Variants in PDE1C observed in about 807,000 individuals in gnomAD.
PDE1C encodes the protein phosphodiesterase 1C.
PDE1C carries 62 observed loss-of-function variants against 93.1 expected under a neutral mutation model. The observed-to-expected ratio is 0.67, with a 90% CI of 0.54 to 0.82. The LOEUF (loss-of-function observed/expected upper bound fraction) is 0.82, where lower values mean the gene tolerates loss of function less well. PDE1C is among the 40% of genes least tolerant of loss of function. The pLI is 0.00. For missense variants in PDE1C, 742 were observed against 884.6 expected (o/e 0.84, Z 2.04); for synonymous variants, 325 against 310.1 (o/e 1.05, Z -0.50).
At chr7:31,633,337 A>G in the PDE1C span, among the ~76,000 whole-genome samples, 1 of 152,152 alleles carries the variant, frequency 6.6e-6, no homozygotes, top group Non-Finnish European at 1.5e-5. Flanking sequence ...CAATACAAAG[A>G]CGAATTTCCT....
At chr7:31,963,805 G>A (rs959785083) in intron 2 of PDE1C, among the ~76,000 whole-genome samples, 1 of 152,082 alleles carries the variant, frequency 6.6e-6, no homozygotes, top group Admixed American at 6.5e-5. Flanking sequence ...GGCTAGAGAG[G>A]GTTATGAAAG....
At chr7:31,635,778 G>A in the PDE1C span, among the ~76,000 whole-genome samples, 2 of 151,984 alleles carry the variant, frequency 1.3e-5, no homozygotes, top group Non-Finnish European at 2.9e-5. Flanking sequence ...CTTGTAAGGG[G>A]AGGGCGGGGG....
intron 2 of PDE1C, among the ~76,000 whole-genome samples, chr7:31,992,742 G>A (rs1306471107): frequency 6.6e-6 from 1 of 152,192 alleles, no homozygotes; most frequent in African/African-American, 2.4e-5. Flanking sequence ...CAAATATTAT[G>A]CTATCAATAT....
chr7:31,686,851 T>C, the PDE1C span: 56,744 of 152,126 alleles, frequency 0.37, 11,118 homozygotes, highest in East Asian at 0.48. Flanking sequence ...GAAAGTACTC[T>C]GGATTTAAAC....
intron 3 of PDE1C, among the ~76,000 whole-genome samples, chr7:32,082,470 C>A (rs972935553): frequency 1.2e-4 from 19 of 152,226 alleles, no homozygotes; most frequent in African/African-American, 4.6e-4. Context: ...GTAAACTCTG[C>A]AGACTTAAAT....
intron 3 of PDE1C, among the ~76,000 whole-genome samples, chr7:32,134,117 A>G (rs1029763187): frequency 1.3e-5 from 2 of 152,076 alleles, no homozygotes; most frequent in Non-Finnish European, 1.5e-5. Context: ...AACAGAGGGG[A>G]AAAATGTTGA....
intron 1 of PDE1C, 44 bp downstream of exon 1, chr7:32,070,249 T>C: frequency 1.2e-6 from 2 of 1,612,596 alleles, no homozygotes; most frequent in Non-Finnish European, 1.7e-6. Context: ...AAAATAAGGA[T>C]GGGAGCGGGA....
chr7:32,303,118 C>T (rs559736785), upstream of PDE1C, among the ~76,000 whole-genome samples: 41 of 152,230 alleles, frequency 2.7e-4, no homozygotes, highest in African/African-American at 9.4e-4. Flanking sequence ...AGAAAAAGTC[C>T]CAGTTCATTC....
chr7:31,779,792 C>T (rs1783267017), intron 16 of PDE1C, among the ~76,000 whole-genome samples: 1 of 152,166 alleles, frequency 6.6e-6, no homozygotes. Flanking sequence ...GAGGAAGCTA[C>T]CAAATTACCT....
At chr7:31,643,027 G>C in the PDE1C span, 1 of 1,613,984 alleles carries the variant, frequency 6.2e-7, no homozygotes, top group Non-Finnish European at 8.5e-7. Flanking sequence ...TGAGTATGAG[G>C]TCACCAGACC....
the PDE1C span, among the ~76,000 whole-genome samples, chr7:31,741,237 T>C: frequency 6.6e-6 from 1 of 152,176 alleles, no homozygotes; most frequent in African/African-American, 2.4e-5. Flanking sequence ...TATTATTACT[T>C]ATGAGAAATT....
intron 1 of PDE1C, among the ~76,000 whole-genome samples, chr7:32,229,213 G>A (rs186346876): frequency 6.6e-6 from 1 of 152,324 alleles, no homozygotes; most frequent in East Asian, 1.9e-4. Context: ...ACGACCCTGT[G>A]AGGTAGGCAT....
intron 2 of PDE1C, among the ~76,000 whole-genome samples, chr7:31,888,331 A>C (rs1398422872): frequency 6.6e-6 from 1 of 151,888 alleles, no homozygotes; most frequent in African/African-American, 2.4e-5. Flanking sequence ...AGTTAGAAGA[A>C]CAAGTTACTC....
intron 1 of PDE1C, among the ~76,000 whole-genome samples, chr7:32,365,233 T>C (rs215707): frequency 0.97 from 148,346 of 152,216 alleles, 72,305 homozygotes; most frequent in East Asian, 1. Flanking sequence ...CAAGAATCAG[T>C]ATCACAAACC....
At chr7:31,676,439 C>A in the PDE1C span, among the ~76,000 whole-genome samples, 1 of 152,090 alleles carries the variant, frequency 6.6e-6, no homozygotes, top group African/African-American at 2.4e-5. Context: ...TACACACACA[C>A]ACACACAATT....
chr7:31,798,921 A>C (rs991837139), intron 16 of PDE1C, among the ~76,000 whole-genome samples: 1 of 151,748 alleles, frequency 6.6e-6, no homozygotes, highest in Non-Finnish European at 1.5e-5. Flanking sequence ...GGTGTCTAAA[A>C]TAGGGCAGTT....
rs575998679 is a variant in PDE1C, at chr7:32,135,973, A to C, written c.308+33812T>G. On this transcript the variant is annotated intron_variant, in intron 3 of 18. Coordinates refer to the PDE1C transcript ENST00000396193. ...TGCAAAGACATGATAGCATGCAGTA[A>C]CATGGATGAACCTGGAAGACTATGC... 3.7e-3 allele frequency among the ~76,000 whole-genome samples: 558 copies of C among 152,330 alleles called. 4 individuals carry two copies. Among genetic ancestry groups the C allele is most frequent in the African/African-American group, 0.013 (538 of 41,578 alleles).
intron 2 of PDE1C, among the ~76,000 whole-genome samples, chr7:31,906,939 C>CGT (rs1800667772): frequency 6.6e-6 from 1 of 151,994 alleles, no homozygotes; most frequent in Non-Finnish European, 1.5e-5. Context: ...CACGAATGCA[C>CGT]GTGTGTATAT....
chr7:32,376,032 CT>C (rs1204800778), intron 1 of PDE1C, among the ~76,000 whole-genome samples: 5 of 152,096 alleles, frequency 3.3e-5, no homozygotes, highest in Non-Finnish European at 7.3e-5. Context: ...TGGCATGTGC[CT>C]CTAATCCCAG....
Sources: allele counts gnomAD v4.1 joint callset (sites outside exome capture counted in the v4.1 genomes callset), GRCh38; gene constraint gnomAD v4.1.1; transcripts MANE v1.5; gene names NCBI Gene and HGNC (gene_info 2026-07-23, HGNC 2026-07-21).